Variants in MRPL3 observed in about 807,000 individuals in gnomAD.
MRPL3 encodes large ribosomal subunit protein uL3m.
In MRPL3, 43 loss-of-function variants were observed where a neutral mutation model predicts 44.3. The ratio of observed to expected loss-of-function variants is 0.97; its 90% CI spans 0.76 to 1.25. The LOEUF (loss-of-function observed/expected upper bound fraction) is 1.25, where lower values mean the gene tolerates loss of function less well. Ranked by LOEUF, MRPL3 falls within the 50% of genes most tolerant of loss-of-function variation. MRPL3 has a pLI of 0.00. For synonymous variants in MRPL3, 171 were observed against 152.3 expected, an observed-to-expected ratio of 1.12 and a Z score of -0.91; for missense variants, 406 against 427.6, an observed-to-expected ratio of 0.95 and a Z score of 0.45.
At position 131,501,952 on chromosome 3, in the gene MRPL3, G is replaced by T. The variant is rs562550368; in HGVS notation, c.93-237C>A. Reference sequence around the variant, plus strand: ...GGAGAAAAAAATTCATCTTCTCCTCGCAGATAAACATATTCCCCAAAAAAC... The same window carrying T: ...GGAGAAAAAAATTCATCTTCTCCTCTCAGATAAACATATTCCCCAAAAAAC... On this transcript the variant is annotated intron_variant, in intron 1 of 9. Coordinates refer to ENST00000264995, the MANE Select transcript of MRPL3 (RefSeq NM_007208.4). 8.6e-6 allele frequency: 13 copies of T among 1,516,542 alleles called. No individual in the cohort carries two copies. In the African/African-American group the frequency reaches 1.2e-4, roughly 14 times the overall value. The allele number at this position is 1,516,542 out of a possible 1,614,324, so 93.9% of individuals were successfully genotyped here.
intron 6 of MRPL3, among the ~76,000 whole-genome samples, chr3:131,486,644 G>C (rs1475175927): frequency 1.3e-5 from 2 of 151,944 alleles, no homozygotes; most frequent in African/African-American, 2.4e-5. Context: ...CAAAAAGTGG[G>C]CAAAGGATAT....
rs1445283398 is a variant in MRPL3 at position 131,502,921 on chromosome 3, G to T, written c.-100C>A. Reference sequence around the variant, plus strand: ...CCGCCACGTGGACGCAGTAGCCGTGGGGAAGTTTTCGCAATGGCCGCCGGA... The same window carrying T: ...CCGCCACGTGGACGCAGTAGCCGTGTGGAAGTTTTCGCAATGGCCGCCGGA... On this transcript the variant is annotated 5_prime_UTR_variant, in exon 1 of 10. Transcript: ENST00000264995. 1 of 1,195,242 alleles carries T rather than the reference G, an allele frequency of 8.4e-7. No homozygotes were observed. The highest frequency in any genetic ancestry group is 1.5e-5 in the African/African-American group (1 of 66,170). 74.0% of individuals were successfully genotyped at this position (1,195,242 alleles called of 1,614,324 possible). A position where few individuals can be genotyped will look rare whatever the true frequency, so the allele number is the denominator to read the frequency against.
intron 4 of MRPL3, among the ~76,000 whole-genome samples, chr3:131,494,867 G>C (rs1934332825): frequency 6.6e-6 from 1 of 152,054 alleles, no homozygotes; most frequent in African/African-American, 2.4e-5. Flanking sequence ...TGACAGTACT[G>C]TCACAGTTGG....
chr3:131,473,490 G>C lies in MRPL3; in HGVS notation c.630-2211C>G, dbSNP rs144487495. Among the ~76,000 whole-genome samples the C allele has an allele frequency of 2.7e-3, 408 of 151,904 alleles. 1 individual carries two copies. The highest frequency in any genetic ancestry group is 9.4e-3 in the African/African-American group (390 of 41,460). On this transcript the variant is annotated intron_variant, in intron 6 of 9. Transcript: ENST00000264995. ...GGAAATGCTTCATAATACTGGGCTG[G>C]GCAAGTATTTTTAAATGAGACCTCA... is the stretch of plus-strand genomic sequence containing the variant.
chr3:131,489,507 T>A (rs559562769), intron 5 of MRPL3, among the ~76,000 whole-genome samples: 1 of 152,242 alleles, frequency 6.6e-6, no homozygotes, highest in East Asian at 1.9e-4. Flanking sequence ...TGAGCCAATA[T>A]AATCATATGC....
At chr3:131,497,908 A>G in intron 4 of MRPL3, 1 of 379,062 alleles carries the variant, frequency 2.6e-6, no homozygotes, top group Admixed American at 4.7e-5. Context: ...GGTATGTAGT[A>G]TTTTTGTTCC....
At chr3:131,500,824 A>C in intron 2 of MRPL3, among the ~76,000 whole-genome samples, 1 of 152,200 alleles carries the variant, frequency 6.6e-6, no homozygotes, top group Non-Finnish European at 1.5e-5. Context: ...TAAATCCATC[A>C]TTTTGCTTTC....
Position 131,469,746 on chromosome 3 carries a change from T to C in MRPL3, c.766A>G (p.Lys256Glu). The C allele has an allele frequency of 1.2e-6, 2 of 1,612,330 alleles. No individual in the cohort carries two copies. The highest frequency in any genetic ancestry group is 1.7e-6 in the Non-Finnish European group (2 of 1,178,912). The change falls in exon 8 of 10, where the codon AAA becomes GAA. Residue 256 changes from lysine to glutamate, a missense_variant. By Grantham distance (56) the Lys-to-Glu change is moderately conservative. Transcript: ENST00000264995. ...ATGTTTCCCATTTTTCCAGGCATTTTAGTTCCAGGCCAGACTCTGCCAATA... is the reference window on the plus strand; with the variant it reads ...ATGTTTCCCATTTTTCCAGGCATTTCAGTTCCAGGCCAGACTCTGCCAATA... Reference protein sequence around the residue: ...GDIGRVWPGTKMPGKMGNIYR... With the variant: ...GDIGRVWPGTEMPGKMGNIYR...
At chr3:131,475,581 AC>A (rs1933836696) in intron 6 of MRPL3, among the ~76,000 whole-genome samples, 2 of 152,212 alleles carry the variant, frequency 1.3e-5, no homozygotes, top group South Asian at 4.1e-4. Context: ...AATAATTTAA[AC>A]ATAGCTTACA....
intron 4 of MRPL3, among the ~76,000 whole-genome samples, chr3:131,494,280 G>A (rs1339764005): frequency 2.6e-5 from 4 of 152,052 alleles, no homozygotes; most frequent in African/African-American, 4.8e-5. Flanking sequence ...TTTCCTACAC[G>A]CTGAAATTAA....
rs1190336315 is a variant in MRPL3 at position 131,478,385 on chromosome 3, G to A, written c.630-7106C>T. Reference sequence around the variant, plus strand: ...TCCTACCACAGGGCAGAATTCCCAAGGTGGTAATCTAATCACATAAATTTG... The same window carrying A: ...TCCTACCACAGGGCAGAATTCCCAAAGTGGTAATCTAATCACATAAATTTG... On this transcript the variant is annotated intron_variant, in intron 6 of 9. Transcript: ENST00000264995. Among the ~76,000 whole-genome samples the A allele has an allele frequency of 5.3e-5, 8 of 152,106 alleles. No homozygotes were observed. In the East Asian group the frequency reaches 1.4e-3, roughly 26 times the overall value.
intron 9 of MRPL3, 131 bp from the exon 10 acceptor site, chr3:131,463,006 T>TA (rs1290614575): frequency 5.5e-6 from 4 of 722,218 alleles, no homozygotes; most frequent in Non-Finnish European, 8.3e-6. Context: ...GTTACATAAA[T>TA]AGAGTAAAAA....
At chr3:131,502,091 A>G (rs941063681) in intron 1 of MRPL3, among the ~76,000 whole-genome samples, 3 of 152,168 alleles carry the variant, frequency 2.0e-5, no homozygotes, top group Non-Finnish European at 2.9e-5. Context: ...TAACAAGCTC[A>G]CCTCCTCCCT....
chr3:131,502,968 C>A lies in MRPL3; in HGVS notation c.-147G>T. The A allele has an allele frequency of 1.3e-6, 1 of 766,580 alleles. No homozygotes were observed. Among genetic ancestry groups the A allele is most frequent in the Non-Finnish European group, 2.2e-6 (1 of 447,662 alleles). The allele number at this position is 766,580 out of a possible 1,614,324, so 47.5% of individuals were successfully genotyped here. A position where few individuals can be genotyped will look rare whatever the true frequency, so the allele number is the denominator to read the frequency against. On this transcript the variant is annotated 5_prime_UTR_variant, in exon 1 of 10. Coordinates refer to ENST00000264995, the MANE Select transcript of MRPL3 (RefSeq NM_007208.4). ...CGGAACGGTCGCCGGCCGATGCTCT[C>A]TGCGACGGAAAGAAAGCCGCCGGAC...
chr3:131,469,480 C>A (rs188104356), intron 8 of MRPL3, among the ~76,000 whole-genome samples: 1 of 149,342 alleles, frequency 6.7e-6, no homozygotes, highest in Admixed American at 6.7e-5. Flanking sequence ...CTGCACTTTT[C>A]ATGGCCTGAA....
chr3:131,486,364 C>CAAAAA (rs36151946), intron 6 of MRPL3, among the ~76,000 whole-genome samples: 1 of 46,688 alleles, frequency 2.1e-5, no homozygotes, highest in Non-Finnish European at 3.5e-5. Context: ...TTCTGCACGG[C>CAAAAA]AAAAAAAAAA....
rs1292930436 is a variant in MRPL3, at chr3:131,502,825, T to C, written c.-4A>G. The C allele has an allele frequency of 6.2e-7, 1 of 1,611,744 alleles. No individual in the cohort carries two copies. ...TCAGCAGCCTCCAACCCGGCATGGA[T>C]TAGCCCGGGAAGACTCGACTCACGA... On this transcript the variant is annotated 5_prime_UTR_variant, in exon 1 of 10. Transcript: ENST00000264995.
chr3:131,465,143 A>G (rs1050302171), intron 9 of MRPL3, among the ~76,000 whole-genome samples: 3 of 152,220 alleles, frequency 2.0e-5, no homozygotes, highest in African/African-American at 7.2e-5. Context: ...TGCTGGAAAT[A>G]TATTCACTAG....
intron 5 of MRPL3, among the ~76,000 whole-genome samples, chr3:131,488,003 G>A (rs1028065462): frequency 6.6e-6 from 1 of 152,114 alleles, no homozygotes; most frequent in African/African-American, 2.4e-5. Context: ...ATATAAATTT[G>A]ATGATTCTTG....
Sources: gnomAD v4.1 joint callset for allele counts (sites outside exome capture counted in the v4.1 genomes callset) on GRCh38, gnomAD v4.1.1 for gene constraint, MANE v1.5 for transcripts, NCBI Gene and HGNC (gene_info 2026-07-23, HGNC 2026-07-21) for gene names.